FUBP1: variants seen among roughly 807,000 people sequenced by gnomAD.
FUBP1 encodes far upstream element-binding protein 1.
In FUBP1, 16 loss-of-function variants were observed where a neutral mutation model predicts 94.9. The observed-to-expected ratio is 0.17, with a 90% CI of 0.11 to 0.26. The LOEUF (loss-of-function observed/expected upper bound fraction) is 0.26, where lower values mean the gene tolerates loss of function less well. Ranked by LOEUF, FUBP1 falls within the 10% of genes least tolerant of loss-of-function variation. FUBP1 has a pLI of 1.00. For synonymous variants in FUBP1, 279 were observed against 254.9 expected, an observed-to-expected ratio of 1.09 and a Z score of -0.90; for missense variants, 583 against 808.6, an observed-to-expected ratio of 0.72 and a Z score of 3.38.
At chr1:77,953,892 C>T (rs1653966138) in intron 18 of FUBP1, among the ~76,000 whole-genome samples, 1 of 152,112 alleles carries the variant, frequency 6.6e-6, no homozygotes, top group African/African-American at 2.4e-5. Flanking sequence ...CCATAATTAC[C>T]TAAATCCATT....
chr1:77,951,770 G>C (rs966908980), intron 18 of FUBP1, among the ~76,000 whole-genome samples: 5 of 152,136 alleles, frequency 3.3e-5, no homozygotes, highest in Non-Finnish European at 5.9e-5. Flanking sequence ...GAGTTAGCTT[G>C]CAAGATTCTA....
Position 77,960,449 on chromosome 1 carries a change from C to G in FUBP1, c.1391G>C (p.Gly464Ala). The G allele has an allele frequency of 6.3e-7, 1 of 1,592,746 alleles. No individual in the cohort carries two copies. The highest frequency in any genetic ancestry group is 8.5e-7 in the Non-Finnish European group (1 of 1,174,804). The change falls in exon 15 of 20, where the codon GGT becomes GCT. Residue 464 changes from glycine (G) to alanine (A), a missense_variant. Transcript: ENST00000370768. Reference protein sequence around the residue: ...LGPPVPHGPHGVPGPHGPPGP... With the variant: ...LGPPVPHGPHAVPGPHGPPGP... ...AGGAGGTCCATGGGGGCCTGGGACA[C>G]CATGGGGCCCATGGGGTACAGGTGG...
At chr1:77,952,861 G>A (rs1653743923) in intron 18 of FUBP1, among the ~76,000 whole-genome samples, 1 of 152,194 alleles carries the variant, frequency 6.6e-6, no homozygotes, top group South Asian at 2.1e-4. Flanking sequence ...CATGTGGCCA[G>A]GCGCAGTGGC....
At chr1:77,970,993 A>G (rs939557813) in intron 1 of FUBP1, among the ~76,000 whole-genome samples, 6 of 152,142 alleles carry the variant, frequency 3.9e-5, no homozygotes, top group African/African-American at 1.2e-4. Flanking sequence ...CAGTGCACCA[A>G]TATCATGCCC....
At chr1:77,974,016 G>T (rs1173540356) in intron 1 of FUBP1, among the ~76,000 whole-genome samples, 4 of 151,988 alleles carry the variant, frequency 2.6e-5, no homozygotes, top group Non-Finnish European at 5.9e-5. Flanking sequence ...ACTACATAAA[G>T]GACCCAACAT....
chr1:77,952,853 TGTGGCCAGGCGCA>T (rs1451770584), intron 18 of FUBP1, among the ~76,000 whole-genome samples: 1 of 152,172 alleles, frequency 6.6e-6, no homozygotes, highest in African/African-American at 2.4e-5. Flanking sequence ...GATATACACA[TGTGGCCAGGCGCA>T]GTGGCTCACA....
chr1:77,948,662 C>G lies in FUBP1; in HGVS notation c.*104G>C, dbSNP rs927834672. 2.1e-6 allele frequency: 3 copies of G among 1,431,392 alleles called. No individual in the cohort carries two copies. In the Admixed American group the frequency reaches 8.4e-5, roughly 40 times the overall value. The allele number at this position is 1,431,392 out of a possible 1,614,324, so 88.7% of individuals were successfully genotyped here. ...AAAAAAAGGAAACACTATTTTAAAC[C>G]AAAAACAAAATTAAGATCTTCATCA... On this transcript the variant is annotated 3_prime_UTR_variant, in exon 20 of 20. Coordinates refer to ENST00000370768, the MANE Select transcript of FUBP1 (RefSeq NM_003902.5).
chr1:77,949,305 G>A lies in FUBP1; in HGVS notation c.1781-5C>T. Reference sequence around the variant, plus strand: ...TCGGAGCAGGAACTGCCTGACCTTTGAAAAAAAAGAACTTTGTTGCTGTAA... The same window carrying A: ...TCGGAGCAGGAACTGCCTGACCTTTAAAAAAAAAGAACTTTGTTGCTGTAA... On this transcript the variant is annotated splice_polypyrimidine_tract_variant and splice_region_variant and intron_variant, in intron 18 of 19. Transcript: ENST00000370768. 6.2e-7 allele frequency: 1 copy of A among 1,604,406 alleles called. No homozygotes were observed. Among genetic ancestry groups the A allele is most frequent in the Admixed American group, 1.7e-5 (1 of 58,070 alleles).
At chr1:77,948,907 G>T in intron 19 of FUBP1, 133 bp from the exon 20 acceptor site, 1 of 1,243,948 alleles carries the variant, frequency 8.0e-7, no homozygotes, top group Non-Finnish European at 1.2e-6. Context: ...TGCATGATTT[G>T]CAAATCCCTG....
chr1:77,953,464 C>G (rs1404632274), intron 18 of FUBP1, among the ~76,000 whole-genome samples: 1 of 152,142 alleles, frequency 6.6e-6, no homozygotes, highest in South Asian at 2.1e-4. Context: ...GCACTCCAGC[C>G]TGGGCGAGAG....
At chr1:77,977,069 T>C (rs1457397617) in intron 1 of FUBP1, among the ~76,000 whole-genome samples, 1 of 152,226 alleles carries the variant, frequency 6.6e-6, no homozygotes, top group African/African-American at 2.4e-5. Context: ...TAAACACTTA[T>C]AAAGCAAGTG....
chr1:77,968,294 T>C lies in FUBP1; in HGVS notation c.212-91A>G. On this transcript the variant is annotated intron_variant, in intron 2 of 19. Coordinates refer to ENST00000370768, the MANE Select transcript of FUBP1 (RefSeq NM_003902.5). ...GAATAAATAACAATATAAACATTTA[T>C]TGAAATATCTGAAGGTATGGTTTAT... The C allele has an allele frequency of 2.7e-6, 2 of 736,720 alleles. 1 individual carries two copies. Among genetic ancestry groups the C allele is most frequent in the South Asian group, 3.6e-5 (2 of 55,336 alleles). The allele number at this position is 736,720 out of a possible 1,614,324, so 45.6% of individuals were successfully genotyped here.
intron 2 of FUBP1, chr1:77,969,132 C>G (rs1657043884): frequency 1.5e-6 from 1 of 679,838 alleles, no homozygotes; most frequent in Non-Finnish European, 2.3e-6. Flanking sequence ...TCTGAAGCAT[C>G]ATTAGCTCAT....
At chr1:77,965,855 C>A (rs943986962) in intron 7 of FUBP1, among the ~76,000 whole-genome samples, 1 of 152,032 alleles carries the variant, frequency 6.6e-6, no homozygotes, top group Non-Finnish European at 1.5e-5. Context: ...GAGACCATCC[C>A]GGCCAACATG....
Position 77,966,864 on chromosome 1 carries a change from C to T in FUBP1, c.415+20G>A, listed in dbSNP as rs1210304218. ...TAGTTTTCTAGTCACACTGAAAATA[C>T]CATGAGAATGTAACATTACCAGGAG... is the stretch of plus-strand genomic sequence containing the variant. On this transcript the variant is annotated intron_variant, in intron 6 of 19. Transcript: ENST00000370768. 1 of 1,480,168 alleles carries T rather than the reference C, an allele frequency of 6.8e-7. No homozygotes were observed. The highest frequency in any genetic ancestry group is 1.1e-5 in the South Asian group (1 of 87,066). The allele number at this position is 1,480,168 out of a possible 1,614,324, so 91.7% of individuals were successfully genotyped here.
Position 77,964,144 on chromosome 1 carries a change from T to C in FUBP1, c.959A>G (p.Glu320Gly). 3 of 1,607,336 alleles carry C rather than the reference T, an allele frequency of 1.9e-6. No individual in the cohort carries two copies. Among genetic ancestry groups the C allele is most frequent in the Non-Finnish European group, 2.6e-6 (3 of 1,173,762 alleles). ...AGGTCCTGTTATTTGTGCTATCCTTTCGGGTGTTGTCCCATCATCTTCAAA... is the reference window on the plus strand; with the variant it reads ...AGGTCCTGTTATTTGTGCTATCCTTCCGGGTGTTGTCCCATCATCTTCAAA... ...QFKPDDGTTP[E>G]RIAQITGPPD... Residue 320 changes from glutamate to glycine, a missense_variant, in exon 12 of 20, where the codon GAA becomes GGA. By Grantham distance (98) the Glu-to-Gly change is moderately conservative. Transcript: ENST00000370768.
chr1:77,950,162 T>C (rs1407987707), intron 18 of FUBP1, among the ~76,000 whole-genome samples: 1 of 152,086 alleles, frequency 6.6e-6, no homozygotes, highest in Non-Finnish European at 1.5e-5. Flanking sequence ...TGTGATAATA[T>C]TGAGGGTATT....
intron 14 of FUBP1, chr1:77,960,817 T>A: frequency 4.3e-6 from 1 of 234,330 alleles, no homozygotes; most frequent in Non-Finnish European, 8.3e-6. Context: ...TTTTACTATC[T>A]TTTTCCATCT....
intron 18 of FUBP1, among the ~76,000 whole-genome samples, chr1:77,950,730 A>G (rs904341373): frequency 1.3e-5 from 2 of 152,178 alleles, no homozygotes; most frequent in Non-Finnish European, 2.9e-5. Flanking sequence ...TAACTACCAT[A>G]GACAAAAATA....
Sources: gnomAD v4.1 joint callset for allele counts (sites outside exome capture counted in the v4.1 genomes callset) on GRCh38, gnomAD v4.1.1 for gene constraint, MANE v1.5 for transcripts, NCBI Gene and HGNC (gene_info 2026-07-23, HGNC 2026-07-21) for gene names.